GPM6A: variants seen among roughly 807,000 people sequenced by gnomAD.
GPM6A encodes neuronal membrane glycoprotein M6-a.
GPM6A carries 7 observed loss-of-function variants against 32.1 expected under a neutral mutation model. The ratio of observed to expected loss-of-function variants is 0.22; its 90% CI spans 0.12 to 0.41. The LOEUF is 0.41. Ranked by LOEUF, GPM6A falls within the 10% of genes least tolerant of loss-of-function variation. GPM6A has a pLI of 1.00. For synonymous variants in GPM6A, 130 were observed against 123.4 expected, an observed-to-expected ratio of 1.05 and a Z score of -0.35; for missense variants, 235 against 347.2, an observed-to-expected ratio of 0.68 and a Z score of 2.57.
intron 1 of GPM6A, among the ~76,000 whole-genome samples, chr4:175,758,720 T>A (rs150935513): frequency 2.6e-4 from 40 of 152,262 alleles, no homozygotes; most frequent in Non-Finnish European, 4.9e-4. Flanking sequence ...TCCTAGTACA[T>A]AAAAATAAAT....
intron 2 of GPM6A, among the ~76,000 whole-genome samples, chr4:175,680,334 T>G (rs1410900740): frequency 6.6e-6 from 1 of 152,206 alleles, no homozygotes; most frequent in Non-Finnish European, 1.5e-5. Flanking sequence ...CCAAGAATAT[T>G]AACACGTTTA....
At chr4:175,830,372 A>G (rs1381185913) in intron 1 of GPM6A, among the ~76,000 whole-genome samples, 1 of 152,206 alleles carries the variant, frequency 6.6e-6, no homozygotes, top group East Asian at 1.9e-4. Context: ...TCACAACTTT[A>G]TATGTTATAA....
chr4:175,655,870 T>C (rs1742056329), intron 3 of GPM6A, among the ~76,000 whole-genome samples: 1 of 152,084 alleles, frequency 6.6e-6, no homozygotes, highest in South Asian at 2.1e-4. Context: ...AGGTTCTATA[T>C]AAAGTCACTT....
intron 2 of GPM6A, 102 bp downstream of exon 2, chr4:175,701,473 A>G (rs1312136764): frequency 7.3e-6 from 6 of 818,716 alleles, no homozygotes; most frequent in African/African-American, 5.1e-5. Context: ...GTGCTGTTTC[A>G]TATATATTAT....
intron 1 of GPM6A, among the ~76,000 whole-genome samples, chr4:175,779,064 G>T (rs764776955): frequency 6.6e-6 from 1 of 152,024 alleles, no homozygotes; most frequent in Non-Finnish European, 1.5e-5. Flanking sequence ...AGAAAAAAAA[G>T]AATAATTGCT....
intron 1 of GPM6A, among the ~76,000 whole-genome samples, chr4:175,845,276 G>T (rs191819500): frequency 6.6e-6 from 1 of 152,024 alleles, no homozygotes; most frequent in African/African-American, 2.4e-5. Context: ...TTATAATTAC[G>T]ATAAATACAC....
At chr4:175,840,044 GAACA>G (rs1374402398) in intron 1 of GPM6A, among the ~76,000 whole-genome samples, 2 of 152,128 alleles carry the variant, frequency 1.3e-5, no homozygotes, top group Non-Finnish European at 2.9e-5. Context: ...AATTCATCAA[GAACA>G]AACAGCTATT....
At chr4:175,976,064 T>G (rs979852699) in intron 1 of GPM6A, among the ~76,000 whole-genome samples, 5 of 152,194 alleles carry the variant, frequency 3.3e-5, no homozygotes, top group African/African-American at 1.2e-4. Context: ...GTTATCCAGT[T>G]TTAATAAGTC....
chr4:175,861,569 T>C (rs962982824), intron 1 of GPM6A, among the ~76,000 whole-genome samples: 3 of 151,556 alleles, frequency 2.0e-5, no homozygotes, highest in Non-Finnish European at 1.5e-5. Context: ...CTGGGCAACA[T>C]GGCAAAACTC....
intron 1 of GPM6A, among the ~76,000 whole-genome samples, chr4:175,733,743 T>C (rs1731532621): frequency 6.6e-6 from 1 of 152,154 alleles, no homozygotes. Context: ...AACACAAAGA[T>C]AGAGGAAAAC....
At chr4:175,992,089 C>CACAT (rs1741167865) in intron 1 of GPM6A, among the ~76,000 whole-genome samples, 1 of 151,578 alleles carries the variant, frequency 6.6e-6, no homozygotes, top group Non-Finnish European at 1.5e-5. Context: ...CACACACACA[C>CACAT]ACAGAGATGT....
chr4:175,734,802 A>G (rs1731592868), intron 1 of GPM6A, among the ~76,000 whole-genome samples: 1 of 152,032 alleles, frequency 6.6e-6, no homozygotes, highest in Non-Finnish European at 1.5e-5. Context: ...GAACCTGGGA[A>G]GTGAAGGTTG....
At chr4:175,987,079 T>G (rs1740997759) in intron 1 of GPM6A, among the ~76,000 whole-genome samples, 1 of 152,212 alleles carries the variant, frequency 6.6e-6, no homozygotes, top group Admixed American at 6.5e-5. Flanking sequence ...ATACACCATA[T>G]AAAGTTCCAC....
intron 1 of GPM6A, among the ~76,000 whole-genome samples, chr4:175,714,212 T>A (rs1469483214): frequency 6.6e-6 from 1 of 152,134 alleles, no homozygotes; most frequent in Non-Finnish European, 1.5e-5. Context: ...CCTGAATCCT[T>A]TAAAAGTATT....
chr4:175,869,815 C>T (rs568331319), intron 1 of GPM6A, among the ~76,000 whole-genome samples: 1 of 152,220 alleles, frequency 6.6e-6, no homozygotes, highest in African/African-American at 2.4e-5. Context: ...TTACTTTGTG[C>T]CAAGTATTTT....
At chr4:175,751,953 A>G (rs150045936) in intron 1 of GPM6A, among the ~76,000 whole-genome samples, 1 of 152,280 alleles carries the variant, frequency 6.6e-6, no homozygotes, top group Non-Finnish European at 1.5e-5. Context: ...GAGCATTGTT[A>G]AAACAAAACA....
In GPM6A at chr4:175,839,366, A is replaced by G. The variant is rs565556662; in HGVS notation, c.-22-27117T>C. ...AGGCAATAACGAAGAGGATTAAAAT[A>G]TTCTACTACATTAAAATTTTAAAAA... On this transcript the variant is annotated intron_variant, in intron 1 of 7. Coordinates refer to the GPM6A transcript ENST00000280187. Among the ~76,000 whole-genome samples the G allele has an allele frequency of 8.7e-5, 13 of 149,686 alleles. No homozygotes were observed. In the East Asian group the frequency reaches 9.6e-4, roughly 11 times the overall value.
At chr4:175,927,149 A>G (rs982696075) in intron 1 of GPM6A, among the ~76,000 whole-genome samples, 2 of 152,250 alleles carry the variant, frequency 1.3e-5, no homozygotes, top group African/African-American at 4.8e-5. Context: ...CAAAAAGTTA[A>G]GTTTGGAGAC....
intron 1 of GPM6A, among the ~76,000 whole-genome samples, chr4:175,966,298 A>G (rs891640936): frequency 9.9e-5 from 15 of 152,000 alleles, no homozygotes; most frequent in African/African-American, 2.9e-4. Flanking sequence ...GCTACTCAGG[A>G]GGCTGAGGTG....
Sources: gnomAD v4.1 joint callset for allele counts (sites outside exome capture counted in the v4.1 genomes callset) on GRCh38, gnomAD v4.1.1 for gene constraint, MANE v1.5 for transcripts, NCBI Gene and HGNC (gene_info 2026-07-23, HGNC 2026-07-21) for gene names.